Variants in NIBAN2 observed in about 807,000 individuals in gnomAD.
NIBAN2 encodes the protein niban apoptosis regulator 2.
Under a neutral mutation model 81.8 loss-of-function variants are expected in NIBAN2, and 36 were observed. The observed-to-expected ratio is 0.44, with a 90% CI of 0.34 to 0.58. The LOEUF (loss-of-function observed/expected upper bound fraction) is 0.58. Among genes scored for constraint, NIBAN2 ranks in the 20% least tolerant of loss-of-function variants. The pLI is 0.02. For missense variants in NIBAN2, 897 were observed against 1,014.1 expected, an observed-to-expected ratio of 0.88 and a Z score of 1.57; for synonymous variants, 445 against 441.6, an observed-to-expected ratio of 1.01 and a Z score of -0.10.
chr9:127,561,848 G>A (rs541983507), intron 1 of NIBAN2, among the ~76,000 whole-genome samples: 3 of 152,356 alleles, frequency 2.0e-5, no homozygotes, highest in Admixed American at 1.3e-4. Context: ...CCACCCTCAC[G>A]GGTTTTAAAC....
intron 3 of NIBAN2, among the ~76,000 whole-genome samples, chr9:127,526,422 A>G (rs551878676): frequency 3.7e-4 from 56 of 151,932 alleles, no homozygotes; most frequent in African/African-American, 8.7e-4. Context: ...AAAAGAAAAA[A>G]AAAAGAGATG....
chr9:127,549,880 G>A (rs1837544311), intron 1 of NIBAN2, among the ~76,000 whole-genome samples: 1 of 152,126 alleles, frequency 6.6e-6, no homozygotes, highest in Non-Finnish European at 1.5e-5. Context: ...CTCCAGAGGG[G>A]GCCAGAAGGG....
At chr9:127,558,330 G>A (rs894387366) in intron 1 of NIBAN2, among the ~76,000 whole-genome samples, 1 of 152,012 alleles carries the variant, frequency 6.6e-6, no homozygotes, top group Non-Finnish European at 1.5e-5. Flanking sequence ...GCCCTGCACG[G>A]GTGCGGGGGG....
Position 127,531,794 on chromosome 9 carries a change from A to G in NIBAN2, c.56-16T>C, listed in dbSNP as rs936601083. On this transcript the variant is annotated splice_polypyrimidine_tract_variant and intron_variant, in intron 1 of 13. Coordinates refer to ENST00000373312, the MANE Select transcript of NIBAN2 (RefSeq NM_022833.4). Reference sequence around the variant, plus strand: ...CCGGTTTTTTCTGGAAGAGAAGGACAAGCAGGAGCTTGAGGTCCTCAGGGA... The same window carrying G: ...CCGGTTTTTTCTGGAAGAGAAGGACGAGCAGGAGCTTGAGGTCCTCAGGGA... 5.0e-6 allele frequency: 8 copies of G among 1,614,078 alleles called. No homozygotes were observed. Among genetic ancestry groups the G allele is most frequent in the Non-Finnish European group, 6.8e-6 (8 of 1,179,958 alleles).
At chr9:127,543,737 C>T (rs1258724952) in intron 1 of NIBAN2, among the ~76,000 whole-genome samples, 2 of 152,238 alleles carry the variant, frequency 1.3e-5, no homozygotes, top group African/African-American at 2.4e-5. Flanking sequence ...CCCTTCCCTT[C>T]AATTCCACAG....
chr9:127,517,892 G>A lies in NIBAN2; in HGVS notation c.639C>T (p.Ile213=). The change falls in exon 6 of 14, where the codon ATC becomes ATT. Residue 213 remains isoleucine, a synonymous_variant. Transcript: ENST00000373312. This position sits in a 1 kb window ranked among gnomAD's most constrained non-coding sequence, Gnocchi z 4.0. Reference sequence around the variant, plus strand: ...GCTCCTTGGACTGTCGGTACATGCGGATGGCATCTGTGAACGCAGGGCCCT... The same window carrying A: ...GCTCCTTGGACTGTCGGTACATGCGAATGGCATCTGTGAACGCAGGGCCCT... ...KVEGPAFTDA[I]RMYRQSKELY... is the part of the protein sequence containing the mutation. The A allele has an allele frequency of 6.2e-7, 1 of 1,613,486 alleles. No homozygotes were observed. The highest frequency in any genetic ancestry group is 2.2e-5 in the East Asian group (1 of 44,866).
intron 1 of NIBAN2, among the ~76,000 whole-genome samples, chr9:127,537,562 A>G (rs1419692645): frequency 6.6e-6 from 1 of 152,170 alleles, no homozygotes; most frequent in Non-Finnish European, 1.5e-5. Context: ...CCTGCGTTTG[A>G]TGGGGGGTCC....
chr9:127,547,345 C>T (rs866660557), intron 1 of NIBAN2, among the ~76,000 whole-genome samples: 39 of 150,184 alleles, frequency 2.6e-4, no homozygotes, highest in African/African-American at 4.9e-5. Flanking sequence ...GGTGAAACAC[C>T]GTCTCTACTA....
At chr9:127,515,440 G>A (rs1224134600) in intron 8 of NIBAN2, among the ~76,000 whole-genome samples, 1 of 150,256 alleles carries the variant, frequency 6.7e-6, no homozygotes, top group Non-Finnish European at 1.5e-5. Flanking sequence ...AGAATGGTGT[G>A]AACCCGGGAG....
intron 3 of NIBAN2, among the ~76,000 whole-genome samples, chr9:127,525,416 A>T (rs1324466104): frequency 3.3e-5 from 5 of 152,226 alleles, no homozygotes; most frequent in African/African-American, 1.2e-4. Context: ...GATGCTGAGG[A>T]TAAAATTCCT....
At chr9:127,576,748 A>AT (rs61415622) in intron 1 of NIBAN2, among the ~76,000 whole-genome samples, 6,254 of 145,458 alleles carry the variant, frequency 0.043, 203 homozygotes, top group African/African-American at 0.086. Context: ...CCTCGTCTCT[A>AT]TTTTTTTTTT....
At chr9:127,542,791 T>C (rs542475949) in intron 1 of NIBAN2, among the ~76,000 whole-genome samples, 1 of 152,232 alleles carries the variant, frequency 6.6e-6, no homozygotes, top group African/African-American at 2.4e-5. Context: ...GGCACGATCT[T>C]GGCTCACTGC....
At chr9:127,534,681 G>A (rs1386047044) in intron 1 of NIBAN2, among the ~76,000 whole-genome samples, 1 of 152,150 alleles carries the variant, frequency 6.6e-6, no homozygotes, top group East Asian at 1.9e-4. Context: ...CCTGGAGTGA[G>A]GTCATGTCTG....
rs549585633 is a variant in NIBAN2, at chr9:127,531,969, G to A, written c.56-191C>T. Among the ~76,000 whole-genome samples, 149 of 152,370 alleles carry A rather than the reference G, an allele frequency of 9.8e-4. 1 individual carries two copies. The highest frequency in any genetic ancestry group is 3.5e-3 in the African/African-American group (145 of 41,588). On this transcript the variant is annotated intron_variant, in intron 1 of 13. Transcript: ENST00000373312. The stretch of plus-strand genomic sequence containing the variant: ...GTTTCCTGTGAAAACCAACTGCCTT[G>A]GAAAAGGTGAACCTCCAGATGGGAA...
rs753750812 is a variant in NIBAN2, at chr9:127,523,830, C to A, written c.438G>T (p.Ser146=). 2.5e-6 allele frequency: 4 copies of A among 1,611,650 alleles called. No homozygotes were observed. The East Asian group carries it at 8.9e-5, about 36-fold the overall frequency. Residue 146 remains serine (S), a synonymous_variant, in exon 5 of 14, where the codon TCG becomes TCT. Transcript: ENST00000373312. ...GGCACTTGAGGATGGGGGCACTGCCCGACTTTGCCGTGGTCCCTGTGGAGA... is the reference window on the plus strand; with the variant it reads ...GGCACTTGAGGATGGGGGCACTGCCAGACTTTGCCGTGGTCCCTGTGGAGA... ...GNSLPGTTAK[S]GSAPILKCPT...
intron 8 of NIBAN2, among the ~76,000 whole-genome samples, chr9:127,514,859 C>T (rs956828916): frequency 3.9e-5 from 6 of 152,188 alleles, no homozygotes; most frequent in African/African-American, 1.4e-4. Context: ...CAGGATCTGG[C>T]TAGTAAAGAA....
chr9:127,561,473 C>A (rs1837773169), intron 1 of NIBAN2, among the ~76,000 whole-genome samples: 1 of 152,214 alleles, frequency 6.6e-6, no homozygotes, highest in African/African-American at 2.4e-5. Flanking sequence ...GACCTTCATA[C>A]CTTGAGATGC....
chr9:127,550,321 C>G (rs1045975987), intron 1 of NIBAN2, among the ~76,000 whole-genome samples: 1 of 152,206 alleles, frequency 6.6e-6, no homozygotes, highest in Non-Finnish European at 1.5e-5. Context: ...CACCATTAAG[C>G]CTTGATAGAA....
chr9:127,577,924 C>T (rs1838028087), intron 1 of NIBAN2, among the ~76,000 whole-genome samples: 2 of 152,028 alleles, frequency 1.3e-5, no homozygotes, highest in Non-Finnish European at 2.9e-5. Context: ...GTCACAGTGG[C>T]TCACACTTGT....
Sources: gnomAD v4.1 joint callset for allele counts (sites outside exome capture counted in the v4.1 genomes callset) on GRCh38, gnomAD v4.1.1 for gene constraint, Gnocchi (gnomAD v3.1) non-coding constraint, MANE v1.5 for transcripts, NCBI Gene and HGNC (gene_info 2026-07-23, HGNC 2026-07-21) for gene names.